Variants in SLC16A1 observed in about 807,000 individuals in gnomAD.
SLC16A1 encodes solute carrier family 16 member 1, also known as monocarboxylate transporter 1.
In SLC16A1, 11 loss-of-function variants were observed where a neutral mutation model predicts 32.2. The ratio of observed to expected loss-of-function variants is 0.34; its 90% CI spans 0.21 to 0.56. The LOEUF is 0.56. Among genes scored for constraint, SLC16A1 ranks in the 20% least tolerant of loss-of-function variants. The probability of loss-of-function intolerance (pLI) is 0.87; values close to 1 mark genes in which losing one functional copy is unlikely to be tolerated. For missense variants in SLC16A1, 435 were observed against 615.0 expected, an observed-to-expected ratio of 0.71 and a Z score of 3.10; for synonymous variants, 231 against 226.8, an observed-to-expected ratio of 1.02 and a Z score of -0.17.
chr1:112,940,548 A>C (rs1056262969), intron 1 of SLC16A1, among the ~76,000 whole-genome samples: 56 of 152,316 alleles, frequency 3.7e-4, no homozygotes, highest in African/African-American at 1.3e-3. Flanking sequence ...ACTGAATCAG[A>C]ATCAGGTTAG....
At position 112,917,432 on chromosome 1, in the gene SLC16A1, A is replaced by G. The variant is rs1466853762; in HGVS notation, c.974T>C (p.Ile325Thr). 1 of 1,614,204 alleles carries G rather than the reference A, an allele frequency of 6.2e-7. No homozygotes were observed. Among genetic ancestry groups the G allele is most frequent in the East Asian group, 2.2e-5 (1 of 44,886 alleles). Reference protein sequence around the residue: ...SMGLVANTKPIRPRIQYFFAA... With the variant: ...SMGLVANTKPTRPRIQYFFAA... ...AAAGAAATACTGAATTCGAGGTCTT[A>G]TTGGCTTTGTGTTGGCTACAAGTCC... The change falls in exon 4 of 5, where the codon ATA (isoleucine) becomes ACA (threonine). Residue 325 changes from isoleucine to threonine, a missense_variant. Ile to Thr is a moderately conservative substitution (Grantham distance 89). This residue lies in a region of SLC16A1 where 324 missense variants were observed against 500.3 expected (regional missense o/e 0.65). Coordinates refer to ENST00000369626, the MANE Select transcript of SLC16A1 (RefSeq NM_003051.4). The surrounding 1 kb of genome is among the most constrained non-coding windows in gnomAD (Gnocchi z 4.1).
At chr1:112,916,387 A>G (rs1309739965) in intron 4 of SLC16A1, among the ~76,000 whole-genome samples, 3 of 150,264 alleles carry the variant, frequency 2.0e-5, no homozygotes, top group Non-Finnish European at 3.0e-5. Flanking sequence ...AATCACAGCT[A>G]CTTGGGAGGC....
intron 1 of SLC16A1, among the ~76,000 whole-genome samples, chr1:112,940,018 T>C (rs1025839266): frequency 6.7e-6 from 1 of 149,706 alleles, no homozygotes; most frequent in Non-Finnish European, 1.5e-5. Context: ...TCTTTGATAC[T>C]ACACCAAAAC....
At chr1:112,945,230 C>T (rs1284026907) in intron 1 of SLC16A1, among the ~76,000 whole-genome samples, 1 of 151,796 alleles carries the variant, frequency 6.6e-6, no homozygotes, top group Non-Finnish European at 1.5e-5. Context: ...AACTCCTGAC[C>T]TCAGGCCACC....
chr1:112,940,051 T>TC (rs2101644009), intron 1 of SLC16A1, among the ~76,000 whole-genome samples: 1 of 142,280 alleles, frequency 7.0e-6, no homozygotes, highest in East Asian at 2.0e-4. Context: ...TTTTTTTTTT[T>TC]TTTTTTTTTT....
chr1:112,951,677 T>C (rs1377206483), intron 1 of SLC16A1, among the ~76,000 whole-genome samples: 1 of 152,194 alleles, frequency 6.6e-6, no homozygotes, highest in East Asian at 1.9e-4. Context: ...ACAAAAATTT[T>C]AAATATTCTA....
intron 2 of SLC16A1, chr1:112,922,364 A>G (rs2101626535): frequency 1.8e-6 from 1 of 558,306 alleles, no homozygotes; most frequent in South Asian, 2.1e-5. Context: ...TTTTACTAAA[A>G]TACAAAAGAC....
intron 1 of SLC16A1, among the ~76,000 whole-genome samples, chr1:112,951,501 G>A (rs1028054641): frequency 2.6e-5 from 4 of 152,176 alleles, no homozygotes; most frequent in Non-Finnish European, 5.9e-5. Context: ...TCATCAATAA[G>A]AGTGTTCAAC....
At chr1:112,941,263 T>C (rs919342370) in intron 1 of SLC16A1, among the ~76,000 whole-genome samples, 11 of 149,666 alleles carry the variant, frequency 7.3e-5, no homozygotes, top group African/African-American at 2.5e-4. Context: ...TTATCCCCTA[T>C]AGACCTCTTC....
At chr1:112,954,090 A>T (rs1159356908) in intron 1 of SLC16A1, among the ~76,000 whole-genome samples, 4 of 152,176 alleles carry the variant, frequency 2.6e-5, no homozygotes, top group African/African-American at 9.7e-5. Context: ...AAAATTCACA[A>T]CAATCTGGAC....
chr1:112,928,589 G>A (rs1239513545), intron 2 of SLC16A1, among the ~76,000 whole-genome samples: 1 of 152,172 alleles, frequency 6.6e-6, no homozygotes, highest in African/African-American at 2.4e-5. Flanking sequence ...GGGTGCAGCT[G>A]AAATGCTTTT....
intron 1 of SLC16A1, among the ~76,000 whole-genome samples, chr1:112,943,314 A>G: frequency 6.6e-6 from 1 of 152,084 alleles, no homozygotes; most frequent in East Asian, 1.9e-4. Context: ...CCAGCTACTC[A>G]GAAGACTCTC....
chr1:112,929,489 G>C (rs2101633833), intron 1 of SLC16A1, 137 bp from the exon 2 acceptor site: 1 of 640,492 alleles, frequency 1.6e-6, no homozygotes, highest in East Asian at 2.7e-5. Flanking sequence ...TGAGGCAGGA[G>C]GATCATTTGA....
chr1:112,924,841 G>A (rs546686975), intron 2 of SLC16A1, among the ~76,000 whole-genome samples: 9 of 152,014 alleles, frequency 5.9e-5, no homozygotes, highest in African/African-American at 2.2e-4. Flanking sequence ...AGATGAGATC[G>A]TGCCTGGGCA....
At position 112,913,754 on chromosome 1, in the gene SLC16A1, T is replaced by A. The variant is rs1223206132; in HGVS notation, c.*137A>T. 1.8e-6 allele frequency: 2 copies of A among 1,087,006 alleles called. No individual in the cohort carries two copies. Among genetic ancestry groups the A allele is most frequent in the Non-Finnish European group, 2.8e-6 (2 of 719,670 alleles). 67.3% of individuals were successfully genotyped at this position (1,087,006 alleles called of 1,614,324 possible). A position where few individuals can be genotyped will look rare whatever the true frequency, so the allele number is the denominator to read the frequency against. ...GGTAAGGAGTCAAACAAAAATCCCA[T>A]CAATGAACAACTGGTATGATTTCCA... On this transcript the variant is annotated 3_prime_UTR_variant, in exon 5 of 5. Transcript: ENST00000369626.
At position 112,920,865 on chromosome 1, in the gene SLC16A1, C is replaced by A. The variant is rs572892244; in HGVS notation, c.361+1125G>T. On this transcript the variant is annotated intron_variant, in intron 3 of 4. Transcript: ENST00000369626. Reference sequence around the variant, plus strand: ...CAAAATTCAACATCAGAAGGCCGGGCAAGGTGATTCACGCCTGTAATCCCA... The same window carrying A: ...CAAAATTCAACATCAGAAGGCCGGGAAAGGTGATTCACGCCTGTAATCCCA... 9.2e-5 allele frequency among the ~76,000 whole-genome samples: 14 copies of A among 151,470 alleles called. No homozygotes were observed. In the East Asian group the frequency reaches 2.7e-3, roughly 30 times the overall value.
intron 1 of SLC16A1, among the ~76,000 whole-genome samples, chr1:112,931,771 A>G (rs1306118497): frequency 2.0e-5 from 3 of 152,106 alleles, no homozygotes; most frequent in Non-Finnish European, 4.4e-5. Context: ...ACATTTTCTA[A>G]TAAGATTTTA....
At chr1:112,924,603 AAAG>A (rs1349220576) in intron 2 of SLC16A1, among the ~76,000 whole-genome samples, 2 of 152,260 alleles carry the variant, frequency 1.3e-5, no homozygotes, top group Admixed American at 1.3e-4. Context: ...ACAACAAAAA[AAAG>A]AAAAAAGACA....
chr1:112,915,837 A>C (rs1340909231), intron 4 of SLC16A1, among the ~76,000 whole-genome samples: 1 of 152,208 alleles, frequency 6.6e-6, no homozygotes, highest in East Asian at 1.9e-4. Context: ...TCACTCCCCA[A>C]ATCAAAGTTC....
Sources: allele counts gnomAD v4.1 joint callset (sites outside exome capture counted in the v4.1 genomes callset), GRCh38; gene constraint gnomAD v4.1.1; regional missense constraint gnomAD v4.1.1; non-coding constraint Gnocchi (gnomAD v3.1); transcripts MANE v1.5; gene names NCBI Gene and HGNC (gene_info 2026-07-23, HGNC 2026-07-21).